SMG6: variants seen among roughly 807,000 people sequenced by gnomAD.
The protein encoded by SMG6 is telomerase-binding protein EST1A.
In SMG6, 66 loss-of-function variants were observed where a neutral mutation model predicts 142.2. That is an observed-to-expected ratio of 0.46 (90% confidence interval 0.38 to 0.57). SMG6 has a LOEUF of 0.57. Ranked by LOEUF, SMG6 falls within the 20% of genes least tolerant of loss-of-function variation. The pLI is 0.00. For synonymous variants in SMG6, 779 were observed against 702.4 expected (o/e 1.11, Z -1.72); for missense variants, 1,793 against 1,832.0 (o/e 0.98, Z 0.39).
chr17:2,162,602 G>A (rs1210331857), intron 13 of SMG6, among the ~76,000 whole-genome samples: 2 of 151,660 alleles, frequency 1.3e-5, no homozygotes, highest in Non-Finnish European at 2.9e-5. Flanking sequence ...AGCTGAGGCG[G>A]GAATACTGCT....
chr17:2,161,123 T>A (rs867502475), intron 13 of SMG6, among the ~76,000 whole-genome samples: 1 of 139,240 alleles, frequency 7.2e-6, no homozygotes, highest in African/African-American at 2.8e-5. Flanking sequence ...TTTTTTTTTT[T>A]AGAGATGGAG....
intron 10 of SMG6, among the ~76,000 whole-genome samples, chr17:2,222,190 G>C (rs769712348): frequency 6.6e-6 from 1 of 151,724 alleles, no homozygotes; most frequent in Non-Finnish European, 1.5e-5. Context: ...GAATAGTAGA[G>C]GAAAATAAAT....
intron 13 of SMG6, among the ~76,000 whole-genome samples, chr17:2,119,205 G>GCA (rs2069605261): frequency 2.6e-5 from 4 of 151,764 alleles, no homozygotes; most frequent in Non-Finnish European, 4.4e-5. Flanking sequence ...TTATAGGCAT[G>GCA]TGCCACCACG....
At position 2,303,519 on chromosome 17, in the gene SMG6, T is replaced by G. The variant is rs2075336560; in HGVS notation, c.88+114A>C. On this transcript the variant is annotated intron_variant, in intron 1 of 18. Transcript: ENST00000263073. ...CCGCCGCGGCCCCAGCGCCTACTGC[T>G]GGGGGAAGGGGCGGGGGCTCCGGAG... 3.8e-6 allele frequency: 5 copies of G among 1,331,738 alleles called. No individual in the cohort carries two copies. In the East Asian group the frequency reaches 1.6e-4, roughly 42 times the overall value. 82.5% of individuals were successfully genotyped at this position (1,331,738 alleles called of 1,614,324 possible).
At chr17:2,087,746 G>A (rs2068604487) in intron 13 of SMG6, 1 of 986,146 alleles carries the variant, frequency 1.0e-6, no homozygotes, top group Non-Finnish European at 1.2e-6. Context: ...TTAAAGAACA[G>A]AGCCGAAATG....
chr17:2,156,039 T>G (rs1220541967), intron 13 of SMG6, among the ~76,000 whole-genome samples: 3 of 112,764 alleles, frequency 2.7e-5, no homozygotes, highest in Admixed American at 8.4e-5. Context: ...TTTCTTTACC[T>G]TTTTTTTTTT....
intron 12 of SMG6, among the ~76,000 whole-genome samples, chr17:2,183,170 G>A (rs1220009866): frequency 2.6e-5 from 4 of 151,988 alleles, no homozygotes; most frequent in East Asian, 1.9e-4. Flanking sequence ...AGGCTGCAGC[G>A]AGCTGTGATC....
intron 8 of SMG6, chr17:2,255,741 AG>A: frequency 5.1e-6 from 1 of 196,058 alleles, no homozygotes; most frequent in Non-Finnish European, 1.0e-5. Flanking sequence ...TGGAATAGAA[AG>A]GGGGGAAAGG....
At chr17:2,134,349 C>T (rs775234139) in intron 13 of SMG6, among the ~76,000 whole-genome samples, 1 of 125,740 alleles carries the variant, frequency 8.0e-6, no homozygotes, top group Non-Finnish European at 1.6e-5. Flanking sequence ...ACCCAAGAGG[C>T]GAAGGTTGCA....
At chr17:2,225,610 G>GA (rs1313665836) in intron 10 of SMG6, among the ~76,000 whole-genome samples, 1 of 151,968 alleles carries the variant, frequency 6.6e-6, no homozygotes, top group Non-Finnish European at 1.5e-5. Context: ...GGTTTAAAAG[G>GA]AAAAAAGAAT....
intron 8 of SMG6, among the ~76,000 whole-genome samples, chr17:2,274,167 G>A (rs1481604343): frequency 1.3e-5 from 2 of 152,218 alleles, no homozygotes; most frequent in Non-Finnish European, 2.9e-5. Context: ...GTAAAGGTGA[G>A]TGGTGGCAAC....
At chr17:2,232,228 A>G (rs1267572977) in intron 10 of SMG6, among the ~76,000 whole-genome samples, 1 of 152,148 alleles carries the variant, frequency 6.6e-6, no homozygotes, top group African/African-American at 2.4e-5. Flanking sequence ...ATTTCCTTAA[A>G]TTACAAAATT....
At position 2,292,597 on chromosome 17, in the gene SMG6, C is replaced by T. The variant is rs757240691; in HGVS notation, c.2292G>A (p.Lys764=). 1 of 1,614,078 alleles carries T rather than the reference C, an allele frequency of 6.2e-7. No individual in the cohort carries two copies. The highest frequency in any genetic ancestry group is 8.5e-7 in the Non-Finnish European group (1 of 1,180,028). ...WYLKAQHIAP[K]NGRPYNQLAL... ...CCAACTGGTTATAGGGGCGCCCATT[C>T]TTGGGAGCAATGTGCTGGGCCTTCA... Residue 764 remains lysine, a synonymous_variant, in exon 6 of 19, where the codon AAG becomes AAA. Coordinates refer to ENST00000263073, the MANE Select transcript of SMG6 (RefSeq NM_017575.5).
At chr17:2,126,916 A>C (rs2069903261) in intron 13 of SMG6, among the ~76,000 whole-genome samples, 1 of 119,754 alleles carries the variant, frequency 8.4e-6, no homozygotes, top group South Asian at 2.7e-4. Flanking sequence ...ATGCACACAG[A>C]CACAAACATA....
intron 10 of SMG6, among the ~76,000 whole-genome samples, chr17:2,232,251 A>C (rs2073518520): frequency 6.6e-6 from 1 of 152,148 alleles, no homozygotes. Context: ...TAAAAATTAA[A>C]ATTCTTGGAG....
At chr17:2,080,640 C>CTTTTTTTT (rs796298262) in intron 15 of SMG6, among the ~76,000 whole-genome samples, 1 of 144,270 alleles carries the variant, frequency 6.9e-6, no homozygotes. Flanking sequence ...TTTCTTTTTT[C>CTTTTTTTT]TTTTTTTTTT....
chr17:2,253,600 T>C (rs767061571), intron 8 of SMG6, among the ~76,000 whole-genome samples: 1 of 151,848 alleles, frequency 6.6e-6, no homozygotes, highest in African/African-American at 2.4e-5. Context: ...TGATGAAGAG[T>C]ATGGTTTAAA....
At chr17:2,300,735 G>A in intron 1 of SMG6, 71 bp from the exon 2 acceptor site, 1 of 1,375,946 alleles carries the variant, frequency 7.3e-7, no homozygotes, top group Non-Finnish European at 9.8e-7. Context: ...ATAGGGGAAA[G>A]ACTGTCATTC....
rs530009415 is a variant in SMG6, at chr17:2,186,402, G to A, written c.3155+261C>T. Among the ~76,000 whole-genome samples, 9 of 152,270 alleles carry A rather than the reference G, an allele frequency of 5.9e-5. No individual in the cohort carries two copies. In the East Asian group the frequency reaches 9.6e-4, roughly 16 times the overall value. The stretch of plus-strand genomic sequence containing the variant: ...CAATATGGAGTGAGGATGAGGGAAC[G>A]AGAGCAAGAACAAATAACAAAATGG... On this transcript the variant is annotated intron_variant, in intron 12 of 18. Coordinates refer to ENST00000263073, the MANE Select transcript of SMG6 (RefSeq NM_017575.5).
Sources: gnomAD v4.1 joint callset for allele counts (sites outside exome capture counted in the v4.1 genomes callset) on GRCh38, gnomAD v4.1.1 for gene constraint, MANE v1.5 for transcripts, NCBI Gene and HGNC (gene_info 2026-07-23, HGNC 2026-07-21) for gene names.